Variants in BCAR1 observed in about 807,000 individuals in gnomAD.
BCAR1 encodes the protein BCAR1 scaffold protein, Cas family member.
Under a neutral mutation model 67.6 loss-of-function variants are expected in BCAR1, and 30 were observed. The observed-to-expected ratio is 0.44, with a 90% CI of 0.33 to 0.60. BCAR1 has a LOEUF of 0.60. Among genes scored for constraint, BCAR1 ranks in the 20% least tolerant of loss-of-function variants. BCAR1 has a pLI of 0.02. For missense variants in BCAR1, 1,313 were observed against 1,222.3 expected (o/e 1.07, Z -1.11); for synonymous variants, 626 against 556.7 (o/e 1.12, Z -1.75).
At chr16:75,244,727 G>A (rs1042844858) in intron 1 of BCAR1, among the ~76,000 whole-genome samples, 2 of 152,228 alleles carry the variant, frequency 1.3e-5, no homozygotes, top group Non-Finnish European at 2.9e-5. Context: ...GGGCCAGGGG[G>A]CAGCTAGGAG....
intron 1 of BCAR1, among the ~76,000 whole-genome samples, chr16:75,245,600 C>T (rs940733810): frequency 2.6e-5 from 4 of 152,248 alleles, no homozygotes; most frequent in Non-Finnish European, 5.9e-5. Flanking sequence ...GGCATGAGCT[C>T]ACTGATCGGC....
At chr16:75,260,622 A>G (rs1299876932) in intron 1 of BCAR1, among the ~76,000 whole-genome samples, 3 of 132,158 alleles carry the variant, frequency 2.3e-5, no homozygotes, top group Non-Finnish European at 4.8e-5. Flanking sequence ...TGACAGAGTG[A>G]GACTCCATCT....
chr16:75,251,460 G>A lies in BCAR1; in HGVS notation c.12+11C>T, dbSNP rs551284871. 39 of 1,454,186 alleles carry A rather than the reference G, an allele frequency of 2.7e-5. No homozygotes were observed. In the East Asian group the frequency reaches 1.1e-3, roughly 41 times the overall value. The allele number at this position is 1,454,186 out of a possible 1,614,324, so 90.1% of individuals were successfully genotyped here. A position where few individuals can be genotyped will look rare whatever the true frequency, so the allele number is the denominator to read the frequency against. ...GCCCGTACGCGGCCCGGCCCCACCT[G>A]GCGCCCTCACCAGGTGGTTCATGGT... On this transcript the variant is annotated intron_variant, in intron 1 of 6. Transcript: ENST00000162330.
intron 5 of BCAR1, among the ~76,000 whole-genome samples, 156 bp from the exon 6 acceptor site, chr16:75,234,091 A>G (rs2077003715): frequency 7.0e-6 from 1 of 142,566 alleles, no homozygotes; most frequent in African/African-American, 3.1e-5. Context: ...ACACTAGCAC[A>G]CGTGGACACA....
At chr16:75,258,421 T>C (rs1010457203) in intron 1 of BCAR1, among the ~76,000 whole-genome samples, 1 of 152,226 alleles carries the variant, frequency 6.6e-6, no homozygotes, top group Admixed American at 6.5e-5. Flanking sequence ...CTATGCATGT[T>C]ATAAAGCAAC....
At chr16:75,266,810 C>T (rs11149811) in intron 1 of BCAR1, 2 of 1,385,668 alleles carry the variant, frequency 1.4e-6, no homozygotes, top group Non-Finnish European at 9.5e-7. Flanking sequence ...GTCCAGAGCA[C>T]TGTCCCGGAG....
chr16:75,237,396 G>A, intron 2 of BCAR1, 52 bp from the exon 3 acceptor site: 3 of 1,411,272 alleles, frequency 2.1e-6, no homozygotes, highest in Non-Finnish European at 2.8e-6. Flanking sequence ...CCCTTAGGGA[G>A]GCTCCACTCA....
At chr16:75,263,775 G>A (rs8063014) in intron 1 of BCAR1, 102,296 of 986,650 alleles carry the variant, frequency 0.1, 5,973 homozygotes, top group East Asian at 0.34. Context: ...CTGAGCAGTC[G>A]CCACTCTGGG....
At chr16:75,265,992 C>T in intron 1 of BCAR1, 1 of 1,044,328 alleles carries the variant, frequency 9.6e-7, no homozygotes, top group Non-Finnish European at 1.1e-6. Flanking sequence ...CCGGCCGCTC[C>T]AGCCGCGCCG....
chr16:75,264,347 A>C, intron 1 of BCAR1: 1 of 1,519,860 alleles, frequency 6.6e-7, no homozygotes, highest in Non-Finnish European at 8.8e-7. Context: ...CTGCCCTGGG[A>C]TACCGGCCCT....
At chr16:75,256,787 C>T (rs1355327640) in intron 1 of BCAR1, among the ~76,000 whole-genome samples, 7 of 152,126 alleles carry the variant, frequency 4.6e-5, no homozygotes, top group Admixed American at 4.6e-4. Flanking sequence ...GCAACCCCTT[C>T]CTCTTCTGCA....
intron 1 of BCAR1, among the ~76,000 whole-genome samples, chr16:75,244,284 T>A (rs1390080509): frequency 6.6e-6 from 1 of 152,176 alleles, no homozygotes; most frequent in Admixed American, 6.5e-5. Flanking sequence ...TGTGTGACCA[T>A]CCCCACTTGG....
At chr16:75,265,519 C>T (rs2077989088) in intron 1 of BCAR1, among the ~76,000 whole-genome samples, 1 of 151,738 alleles carries the variant, frequency 6.6e-6, no homozygotes. Flanking sequence ...CCCAGCTGTC[C>T]CAGGGGTTTC....
At chr16:75,264,087 C>T in intron 1 of BCAR1, 2 of 1,244,720 alleles carry the variant, frequency 1.6e-6, no homozygotes, top group Non-Finnish European at 1.0e-6. Flanking sequence ...GGCCAGGCTG[C>T]AGGTCCCCAC....
At chr16:75,239,432 T>C (rs11644597) in intron 2 of BCAR1, among the ~76,000 whole-genome samples, 7 of 152,154 alleles carry the variant, frequency 4.6e-5, no homozygotes, top group Non-Finnish European at 7.3e-5. Context: ...CCTCCCCTAC[T>C]ATCAGGCATC....
Position 75,242,157 on chromosome 16 carries a change from G to A in BCAR1, c.633+313C>T, listed in dbSNP as rs183376263. ...TCTCCCTTGCGGGGGCCCAGCAACT[G>A]CCGACCCCATGTGCCAAGCCCCGCC... On this transcript the variant is annotated intron_variant, in intron 2 of 6. Coordinates refer to ENST00000162330, the MANE Select transcript of BCAR1 (RefSeq NM_014567.5). Among the ~76,000 whole-genome samples the A allele has an allele frequency of 3.7e-3, 569 of 152,326 alleles. 4 individuals are homozygous for A. Among genetic ancestry groups the A allele is most frequent in the Non-Finnish European group, 5.9e-3 (401 of 68,020 alleles).
chr16:75,241,732 C>A (rs8048529), intron 2 of BCAR1, among the ~76,000 whole-genome samples: 2 of 152,264 alleles, frequency 1.3e-5, no homozygotes, highest in African/African-American at 4.8e-5. Context: ...ACTCGCTGCC[C>A]AGCTGGCACC....
rs2077067386 is a variant in BCAR1 at position 75,235,282 on chromosome 16, G to T, written c.1617C>A (p.Ala539=). The change falls in exon 5 of 7, where the codon GCC becomes GCA. Residue 539 remains alanine (A), a synonymous_variant. Transcript: ENST00000162330. ...TCTTCTGCAGCTGCCGGCTAAGCTT[G>T]GCATGCAGGGCACGGTCAGATGTGT... ...AAHTSDRALH[A]KLSRQLQKME... 2 of 1,606,158 alleles carry T rather than the reference G, an allele frequency of 1.2e-6. No homozygotes were observed. Among genetic ancestry groups the T allele is most frequent in the Non-Finnish European group, 1.7e-6 (2 of 1,174,692 alleles).
At position 75,235,827 on chromosome 16, in the gene BCAR1, C is replaced by T. The variant is rs2077104915; in HGVS notation, c.1072G>A (p.Ala358Thr). The change falls in exon 5 of 7, where the codon GCC (alanine) becomes ACC (threonine). Residue 358 changes from alanine (A) to threonine (T), a missense_variant. By Grantham distance (58) the Ala-to-Thr change is moderately conservative (BLOSUM62 0). This residue lies in a region of BCAR1 where 1,272 missense variants were observed against 1,137.5 expected (regional missense o/e 1.12). Transcript: ENST00000162330. ...LAAPPPDSPP[A>T]EDVYDVPPPA... The stretch of plus-strand genomic sequence containing the variant: ...GGCGGCACGTCATACACGTCCTCGG[C>T]CGGCGGGGAGTCTGGAGGGGGCGCA... 2 of 1,577,190 alleles carry T rather than the reference C, an allele frequency of 1.3e-6. No individual in the cohort carries two copies. Among genetic ancestry groups the T allele is most frequent in the Non-Finnish European group, 1.7e-6 (2 of 1,162,942 alleles).
Sources: allele counts gnomAD v4.1 joint callset (sites outside exome capture counted in the v4.1 genomes callset), GRCh38; gene constraint gnomAD v4.1.1; regional missense constraint gnomAD v4.1.1; transcripts MANE v1.5; gene names NCBI Gene and HGNC (gene_info 2026-07-23, HGNC 2026-07-21).